The following ADPRHL1 variants were observed in gnomAD, a reference collection of about 807,000 sequenced individuals.
ADPRHL1 encodes ADP-ribosylhydrolase like 1, also known as inactive ADP-ribosyltransferase ARH2.
ADPRHL1 carries 43 observed loss-of-function variants against 44.1 expected under a neutral mutation model. That is an observed-to-expected ratio of 0.98 (90% CI 0.76 to 1.26). The LOEUF (loss-of-function observed/expected upper bound fraction) is 1.26, where lower values mean the gene tolerates loss of function less well. ADPRHL1 is among the 50% of genes most tolerant of loss of function. ADPRHL1 has a pLI of 0.00. For missense variants in ADPRHL1, 2,022 were observed against 2,496.9 expected, an observed-to-expected ratio of 0.81 and a Z score of 4.05; for synonymous variants, 878 against 1,017.4, an observed-to-expected ratio of 0.86 and a Z score of 2.61.
In ADPRHL1 at chr13:113,406,476, C is replaced by G. The variant is rs746995452; in HGVS notation, c.2806G>C (p.Asp936His). Residue 936 changes from aspartate to histidine, a missense_variant, in exon 8 of 8, where the codon GAC becomes CAC. Asp to His is a moderately conservative substitution (Grantham distance 81). Transcript: ENST00000612156. ...LAAARGAVGADHSVPETLLTQ... is the reference protein window; with the variant it reads ...LAAARGAVGAHHSVPETLLTQ... ...AGAAGTGTCTCTGGGACACTGTGGT[C>G]GGCGCCCACAGCCCCTCTTGCTGCT... 7.3e-6 allele frequency: 9 copies of G among 1,231,822 alleles called. No individual in the cohort carries two copies. The highest frequency in any genetic ancestry group is 8.4e-5 in the Admixed American group (2 of 23,694). 76.3% of individuals were successfully genotyped at this position (1,231,822 alleles called of 1,614,324 possible).
intron 7 of ADPRHL1, among the ~76,000 whole-genome samples, chr13:113,416,193 T>A (rs188792869): frequency 1.3e-5 from 2 of 151,998 alleles, no homozygotes; most frequent in Non-Finnish European, 1.5e-5. Context: ...GCTCAGACTG[T>A]ACTAATGAAT....
In ADPRHL1 at chr13:113,406,932, C is replaced by T; in HGVS notation, c.2350G>A (p.Val784Ile). The change falls in exon 8 of 8, where the codon GTT (valine) becomes ATT (isoleucine). Residue 784 changes from valine (V) to isoleucine (I), a missense_variant. By Grantham distance (29) the Val-to-Ile change is conservative. This residue lies in a region of ADPRHL1 where 1,221 missense variants were observed against 1,517.8 expected (regional missense o/e 0.80). Coordinates refer to ENST00000612156, the MANE Select transcript of ADPRHL1 (RefSeq NM_001394807.1). ...AGEGPEITMT[V>I]CSSEDEREGA... The stretch of plus-strand genomic sequence containing the variant: ...TCCCTTTCATCCTCTGAACTGCAAA[C>T]AGTCATGGTGATTTCAGGGCCCTCC... 1 of 1,232,212 alleles carries T rather than the reference C, an allele frequency of 8.1e-7. No individual in the cohort carries two copies. Among genetic ancestry groups the T allele is most frequent in the Non-Finnish European group, 1.0e-6 (1 of 988,080 alleles). 76.3% of individuals were successfully genotyped at this position (1,232,212 alleles called of 1,614,324 possible).
rs1182715802 is a variant in ADPRHL1 at position 113,407,626 on chromosome 13, C to G, written c.1656G>C (p.Arg552=). The G allele has an allele frequency of 8.1e-7, 1 of 1,232,008 alleles. No individual in the cohort carries two copies. Among genetic ancestry groups the G allele is most frequent in the Admixed American group, 4.2e-5 (1 of 23,708 alleles). 76.3% of individuals were successfully genotyped at this position (1,232,008 alleles called of 1,614,324 possible). A position where few individuals can be genotyped will look rare whatever the true frequency, so the allele number is the denominator to read the frequency against. The change falls in exon 8 of 8, where the codon CGG becomes CGC. Residue 552 remains arginine, a synonymous_variant. Transcript: ENST00000612156. Reference sequence around the variant, plus strand: ...GGCAGCTGTTCTGCTCGAACTTCTCCCGCAGCTTGGACAGCACCGAGCTCT... The same window carrying G: ...GGCAGCTGTTCTGCTCGAACTTCTCGCGCAGCTTGGACAGCACCGAGCTCT... ...MGKSSVLSKL[R]EKFEQNSCLC...
rs1256203435 is a variant in ADPRHL1 at position 113,403,473 on chromosome 13, A to G, written c.5809T>C (p.Tyr1937His). The G allele has an allele frequency of 2.2e-5, 27 of 1,231,916 alleles. No homozygotes were observed. Among genetic ancestry groups the G allele is most frequent in the Non-Finnish European group, 1.0e-6 (1 of 988,002 alleles). The allele number at this position is 1,231,916 out of a possible 1,614,324, so 76.3% of individuals were successfully genotyped here. A position where few individuals can be genotyped will look rare whatever the true frequency, so the allele number is the denominator to read the frequency against. The change falls in exon 8 of 8, where the codon TAC becomes CAC. Residue 1937 changes from tyrosine (Y) to histidine (H), a missense_variant. Around this residue, in one of 8 missense-constraint regions of ADPRHL1, gnomAD observed 205 missense variants for 250.1 expected, o/e 0.82. Transcript: ENST00000612156. The part of the protein sequence containing the change: ...RRGRSRHLAK[Y>H]KAQSFRDQRA... Reference sequence around the variant, plus strand: ...TGGTCACGGAAGCTCTGGGCTTTGTACTTGGCCAGGTGCCTGGACCTCCCG... The same window carrying G: ...TGGTCACGGAAGCTCTGGGCTTTGTGCTTGGCCAGGTGCCTGGACCTCCCG...
At chr13:113,447,475 G>A (rs1029575992) in intron 1 of ADPRHL1, among the ~76,000 whole-genome samples, 12 of 151,206 alleles carry the variant, frequency 7.9e-5, no homozygotes, top group East Asian at 3.9e-4. Flanking sequence ...CTACATGCAC[G>A]GTGTTGTGTG....
chr13:113,420,052 G>T (rs945470142), intron 7 of ADPRHL1, among the ~76,000 whole-genome samples: 1 of 151,448 alleles, frequency 6.6e-6, no homozygotes, highest in Admixed American at 6.6e-5. Context: ...CGTGTTATCT[G>T]GGTGGTTGGA....
intron 4 of ADPRHL1, among the ~76,000 whole-genome samples, chr13:113,426,179 T>C (rs1317325381): frequency 1.3e-5 from 2 of 152,354 alleles, no homozygotes; most frequent in African/African-American, 2.4e-5. Context: ...GAAGGGAGTC[T>C]GAACCTGCAG....
At chr13:113,423,531 T>A (rs537666196) in intron 6 of ADPRHL1, among the ~76,000 whole-genome samples, 1 of 152,340 alleles carries the variant, frequency 6.6e-6, no homozygotes, top group South Asian at 2.1e-4. Flanking sequence ...TCCCAGCTCA[T>A]GTCTGTGGTC....
chr13:113,436,076 G>GC (rs2044052501), intron 2 of ADPRHL1, among the ~76,000 whole-genome samples: 1 of 147,234 alleles, frequency 6.8e-6, no homozygotes, highest in Non-Finnish European at 1.5e-5. Context: ...GCACCCAGGT[G>GC]TAGAGTGAAC....
chr13:113,410,836 C>T (rs1309838567), intron 7 of ADPRHL1, among the ~76,000 whole-genome samples: 8 of 152,330 alleles, frequency 5.3e-5, no homozygotes, highest in Non-Finnish European at 2.9e-5. Flanking sequence ...GCACCCCCAG[C>T]GAAGGGTCAG....
In ADPRHL1 at chr13:113,436,987, C is replaced by T. The variant is rs2044063993; in HGVS notation, c.380-3120G>A. Among the ~76,000 whole-genome samples the T allele has an allele frequency of 1.4e-5, 2 of 145,908 alleles. 1 individual carries two copies. The highest frequency in any genetic ancestry group is 1.4e-4 in the Admixed American group (2 of 14,710). On this transcript the variant is annotated intron_variant, in intron 2 of 7. Transcript: ENST00000612156. ...AGTGAACATAGGTATACCCCGGGACCCAGCACCCAGGTGTAGAGTGAGCAT... is the reference window on the plus strand; with the variant it reads ...AGTGAACATAGGTATACCCCGGGACTCAGCACCCAGGTGTAGAGTGAGCAT...
intron 1 of ADPRHL1, among the ~76,000 whole-genome samples, chr13:113,451,042 C>A (rs975168840): frequency 6.6e-6 from 1 of 151,072 alleles, no homozygotes; most frequent in Non-Finnish European, 1.5e-5. Context: ...TGGTAACGGG[C>A]GTCTTCCCAG....
intron 1 of ADPRHL1, among the ~76,000 whole-genome samples, chr13:113,450,790 C>T (rs975854163): frequency 5.3e-5 from 8 of 152,276 alleles, no homozygotes; most frequent in Middle Eastern, 3.4e-3. Context: ...GCCAGGTGTA[C>T]AGGATGGAAC....
intron 1 of ADPRHL1, among the ~76,000 whole-genome samples, chr13:113,451,145 C>T (rs1446479003): frequency 6.6e-6 from 1 of 152,230 alleles, no homozygotes; most frequent in Non-Finnish European, 1.5e-5. Context: ...TCACACCTCA[C>T]TATGTCCCCT....
At chr13:113,423,043 G>C (rs568142568) in intron 6 of ADPRHL1, 64 bp from the exon 7 acceptor site, 3 of 1,600,804 alleles carry the variant, frequency 1.9e-6, no homozygotes, top group South Asian at 2.2e-5. Context: ...AAGACCCCTG[G>C]GGCTGGCCGC....
intron 7 of ADPRHL1, among the ~76,000 whole-genome samples, chr13:113,419,201 G>C (rs2043903509): frequency 6.9e-6 from 1 of 144,078 alleles, no homozygotes; most frequent in Admixed American, 7.1e-5. Flanking sequence ...CAACCTCTCA[G>C]GCTCTGGCAA....
chr13:113,433,692 T>C, intron 3 of ADPRHL1, 50 bp downstream of exon 3: 1 of 1,518,656 alleles, frequency 6.6e-7, no homozygotes, highest in South Asian at 1.2e-5. Context: ...TTGTGGGTCA[T>C]CCGGCCGCAC....
rs531997593 is a variant in ADPRHL1 at position 113,452,343 on chromosome 13, G to A, written c.214+881C>T. Reference sequence around the variant, plus strand: ...TTATTTAGGGACCGGCCACAGGCTCGATGGCATTCCTCTGCTGTGAGCACA... The same window carrying A: ...TTATTTAGGGACCGGCCACAGGCTCAATGGCATTCCTCTGCTGTGAGCACA... On this transcript the variant is annotated intron_variant, in intron 1 of 7. Coordinates refer to ENST00000612156, the MANE Select transcript of ADPRHL1 (RefSeq NM_001394807.1). Among the ~76,000 whole-genome samples, 10 of 152,318 alleles carry A rather than the reference G, an allele frequency of 6.6e-5. No individual in the cohort carries two copies. In the East Asian group the frequency reaches 1.7e-3, roughly 26 times the overall value.
chr13:113,408,460 GAC>G (rs2139597607), intron 7 of ADPRHL1, among the ~76,000 whole-genome samples: 1 of 152,268 alleles, frequency 6.6e-6, no homozygotes, highest in African/African-American at 2.4e-5. Context: ...AGGAACTTCT[GAC>G]ACACGCTCCT....
Sources: allele counts gnomAD v4.1 joint callset (sites outside exome capture counted in the v4.1 genomes callset), GRCh38; gene constraint gnomAD v4.1.1; regional missense constraint gnomAD v4.1.1; transcripts MANE v1.5; gene names NCBI Gene and HGNC (gene_info 2026-07-23, HGNC 2026-07-21).